The following PLEK2 variants were observed in gnomAD, a reference collection of about 807,000 sequenced individuals.
PLEK2 encodes the protein pleckstrin-2.
A neutral mutation model predicts 43.8 loss-of-function variants in PLEK2; 29 were observed. The observed-to-expected ratio is 0.66, with a 90% CI of 0.49 to 0.90. The LOEUF (loss-of-function observed/expected upper bound fraction) is 0.90, where lower values mean the gene tolerates loss of function less well. Ranked by LOEUF, PLEK2 falls within the 40% of genes least tolerant of loss-of-function variation. PLEK2 has a pLI of 0.00. For missense variants in PLEK2, 398 were observed against 448.1 expected (o/e 0.89, Z 1.01); for synonymous variants, 162 against 173.2 (o/e 0.94, Z 0.51).
intron 1 of PLEK2, among the ~76,000 whole-genome samples, chr14:67,400,059 C>T (rs562103730): frequency 6.6e-6 from 1 of 152,262 alleles, no homozygotes; most frequent in Non-Finnish European, 1.5e-5. Flanking sequence ...ATCTCTGGTG[C>T]TATGATTCTA....
chr14:67,409,317 G>A (rs951680886), intron 1 of PLEK2, among the ~76,000 whole-genome samples: 3 of 150,200 alleles, frequency 2.0e-5, no homozygotes, highest in African/African-American at 7.4e-5. Context: ...GCCAAGGCCA[G>A]GGGATCACTT....
intron 1 of PLEK2, among the ~76,000 whole-genome samples, chr14:67,400,179 G>A (rs993814414): frequency 2.0e-5 from 3 of 152,168 alleles, no homozygotes; most frequent in African/African-American, 7.2e-5. Flanking sequence ...ACACTGACTT[G>A]AGCCCAAACA....
At chr14:67,391,080 C>G (rs2085962904) in intron 6 of PLEK2, among the ~76,000 whole-genome samples, 1 of 152,134 alleles carries the variant, frequency 6.6e-6, no homozygotes, top group Non-Finnish European at 1.5e-5. Context: ...TGGGAGCACA[C>G]AGGCAAACTT....
intron 2 of PLEK2, 83 bp from the exon 3 acceptor site, chr14:67,395,666 G>T (rs1436565014): frequency 2.7e-6 from 3 of 1,111,002 alleles, no homozygotes; most frequent in East Asian, 4.7e-5. Context: ...GGCCCCGGGA[G>T]AATCTAGGTG....
chr14:67,409,529 C>T (rs1057331512), intron 1 of PLEK2, among the ~76,000 whole-genome samples: 4 of 152,176 alleles, frequency 2.6e-5, no homozygotes, highest in East Asian at 1.9e-4. Flanking sequence ...CAGGAACGCC[C>T]GGCAGTGCTT....
In PLEK2 at chr14:67,393,167, T is replaced by A; in HGVS notation, c.464A>T (p.Tyr155Phe). ...SSPNMEQGST[Y>F]KKTFLGSSLV... ...AGGCTCACCGAGGAAGGTCTTTTTA[T>A]AGGTGCTTCCCTGCTCCATGTTGGG... Residue 155 changes from tyrosine (Y) to phenylalanine (F), a missense_variant, in exon 4 of 9, where the codon TAT becomes TTT. Coordinates refer to ENST00000216446, the MANE Select transcript of PLEK2 (RefSeq NM_016445.3). 1 of 1,613,186 alleles carries A rather than the reference T, an allele frequency of 6.2e-7. No homozygotes were observed. The highest frequency in any genetic ancestry group is 8.5e-7 in the Non-Finnish European group (1 of 1,179,098).
intron 1 of PLEK2, among the ~76,000 whole-genome samples, chr14:67,409,863 C>A (rs2086105534): frequency 6.6e-6 from 1 of 152,178 alleles, no homozygotes; most frequent in Non-Finnish European, 1.5e-5. Context: ...CTATTGCCAT[C>A]TAAGAGTAGA....
intron 1 of PLEK2, among the ~76,000 whole-genome samples, chr14:67,410,266 T>C (rs1233714942): frequency 6.6e-6 from 1 of 151,962 alleles, no homozygotes; most frequent in Non-Finnish European, 1.5e-5. Context: ...GGAGAAGGCC[T>C]CCAAAACTCC....
chr14:67,397,493 TA>T (rs2086019084), intron 2 of PLEK2, among the ~76,000 whole-genome samples, 168 bp downstream of exon 2: 1 of 152,258 alleles, frequency 6.6e-6, no homozygotes, highest in African/African-American at 2.4e-5. Flanking sequence ...GAGGTTTAGC[TA>T]CTTGTCCAAG....
At chr14:67,401,041 G>T (rs138410378) in intron 1 of PLEK2, among the ~76,000 whole-genome samples, 4 of 152,176 alleles carry the variant, frequency 2.6e-5, no homozygotes, top group African/African-American at 9.6e-5. Context: ...CTGTGTGTCT[G>T]TGTGCCTCCA....
chr14:67,406,862 TGAA>T (rs1378636669), intron 1 of PLEK2, among the ~76,000 whole-genome samples: 1 of 152,178 alleles, frequency 6.6e-6, no homozygotes, highest in Non-Finnish European at 1.5e-5. Context: ...AATGGTATGC[TGAA>T]GAAGAACCCA....
chr14:67,399,342 A>T (rs1483148478), intron 1 of PLEK2, among the ~76,000 whole-genome samples: 1 of 151,092 alleles, frequency 6.6e-6, no homozygotes, highest in East Asian at 2.0e-4. Flanking sequence ...AGGAATAAAG[A>T]GAAGGGTAGT....
intron 1 of PLEK2, among the ~76,000 whole-genome samples, chr14:67,401,559 C>T (rs557840788): frequency 6.6e-6 from 1 of 152,088 alleles, no homozygotes; most frequent in East Asian, 1.9e-4. Context: ...GATTTGGACA[C>T]ACAGCTCACA....
At chr14:67,387,486 GTGAT>G (rs1465011212) in intron 8 of PLEK2, 30 bp from the exon 9 acceptor site, 2 of 1,594,722 alleles carry the variant, frequency 1.3e-6, no homozygotes, top group Non-Finnish European at 1.7e-6. Context: ...AAAAAAATCA[GTGAT>G]TGAATAGCCA....
intron 1 of PLEK2, among the ~76,000 whole-genome samples, chr14:67,406,321 T>C (rs1218528380): frequency 1.3e-5 from 2 of 151,638 alleles, no homozygotes; most frequent in East Asian, 3.9e-4. Flanking sequence ...ATAATTAATA[T>C]AGGGCATGAT....
chr14:67,397,800 C>T lies in PLEK2; in HGVS notation c.69G>A (p.Ala23=), dbSNP rs140298217. 1.1e-5 allele frequency: 17 copies of T among 1,612,282 alleles called. No individual in the cohort carries two copies. The highest frequency in any genetic ancestry group is 6.6e-5 in the South Asian group (6 of 90,414). The change falls in exon 2 of 9, where the codon GCG becomes GCA. Residue 23 remains alanine (A), a synonymous_variant. Transcript: ENST00000216446. Reference sequence around the variant, plus strand: ...TGTTCTGCCGAAGGATGAACCATCGCGCCTTCCAGTTGTGGACAATGTGGC... The same window carrying T: ...TGTTCTGCCGAAGGATGAACCATCGTGCCTTCCAGTTGTGGACAATGTGGC... ...KRGHIVHNWK[A]RWFILRQNTL... is the part of the protein sequence containing the mutation.
chr14:67,394,655 T>G (rs1035458470), intron 3 of PLEK2, among the ~76,000 whole-genome samples: 9 of 152,182 alleles, frequency 5.9e-5, no homozygotes, highest in Admixed American at 3.9e-4. Flanking sequence ...GTGTTAACAG[T>G]TCTTTTGCCT....
At chr14:67,400,239 A>T (rs950915817) in intron 1 of PLEK2, among the ~76,000 whole-genome samples, 5 of 152,222 alleles carry the variant, frequency 3.3e-5, no homozygotes, top group Non-Finnish European at 7.3e-5. Context: ...TAATCTGACA[A>T]GAGTTTATTA....
At chr14:67,393,109 C>T in intron 4 of PLEK2, 41 bp downstream of exon 4, 1 of 1,431,394 alleles carries the variant, frequency 7.0e-7, no homozygotes, top group Non-Finnish European at 9.9e-7. Flanking sequence ...TCACCATGTC[C>T]CAGCTTGACT....
Sources: gnomAD v4.1 joint callset for allele counts (sites outside exome capture counted in the v4.1 genomes callset) on GRCh38, gnomAD v4.1.1 for gene constraint, MANE v1.5 for transcripts, NCBI Gene and HGNC (gene_info 2026-07-23, HGNC 2026-07-21) for gene names.